Variants in CLVS1 observed in about 807,000 individuals in gnomAD.
CLVS1 encodes clavesin-1.
A neutral mutation model predicts 33.1 loss-of-function variants in CLVS1; 10 were observed. The ratio of observed to expected loss-of-function variants is 0.30; its 90% CI spans 0.19 to 0.51. The LOEUF is 0.51. Among genes scored for constraint, CLVS1 ranks in the 20% least tolerant of loss-of-function variants. CLVS1 has a pLI of 0.97. For missense variants in CLVS1, 343 were observed against 433.4 expected (o/e 0.79, Z 1.85); for synonymous variants, 163 against 166.1 (o/e 0.98, Z 0.14).
chr8:61,264,647 T>C (rs1437543727), intron 2 of CLVS1: 1 of 152,238 alleles, frequency 6.6e-6, no homozygotes, highest in Non-Finnish European at 1.5e-5. Context: ...AGAAGCTTTA[T>C]TTTAAAATTT....
chr8:61,161,502 A>G (rs1806749844), intron 2 of CLVS1, among the ~76,000 whole-genome samples: 1 of 152,220 alleles, frequency 6.6e-6, no homozygotes, highest in South Asian at 2.1e-4. Flanking sequence ...TTTTGAAAAC[A>G]TGGATGAACA....
At chr8:60,992,696 T>A in the CLVS1 span, among the ~76,000 whole-genome samples, 3 of 152,106 alleles carry the variant, frequency 2.0e-5, no homozygotes, top group African/African-American at 7.2e-5. Flanking sequence ...CTACAAGCAT[T>A]TTTTTTTCCT....
intron 2 of CLVS1, among the ~76,000 whole-genome samples, chr8:61,248,855 A>T (rs1808874718): frequency 6.6e-6 from 1 of 152,146 alleles, no homozygotes; most frequent in African/African-American, 2.4e-5. Context: ...CATGTAATAC[A>T]TTTATGCTAA....
intron 2 of CLVS1, among the ~76,000 whole-genome samples, chr8:61,327,771 T>C (rs1490392516): frequency 2.6e-5 from 4 of 152,196 alleles, no homozygotes; most frequent in African/African-American, 9.6e-5. Context: ...TACCCCAACC[T>C]ATCAACATTT....
intron 2 of CLVS1, among the ~76,000 whole-genome samples, chr8:61,314,575 C>G (rs975308150): frequency 1.3e-5 from 2 of 152,104 alleles, no homozygotes; most frequent in Non-Finnish European, 2.9e-5. Flanking sequence ...GAATGTATTC[C>G]GTACTCTCTT....
the CLVS1 span, among the ~76,000 whole-genome samples, chr8:61,044,903 G>A: frequency 3.3e-5 from 5 of 152,224 alleles, no homozygotes; most frequent in African/African-American, 1.2e-4. Flanking sequence ...AGACCTATGG[G>A]AGTGGTCCTA....
intron 2 of CLVS1, among the ~76,000 whole-genome samples, chr8:61,347,626 TTATATA>T (rs56179025): frequency 4.6e-4 from 17 of 37,024 alleles, no homozygotes; most frequent in Middle Eastern, 0.021. Flanking sequence ...GGCCATTCCA[TTATATA>T]TATATATATA....
chr8:61,123,402 G>C (rs898655229), intron 1 of CLVS1, among the ~76,000 whole-genome samples: 2 of 152,094 alleles, frequency 1.3e-5, no homozygotes, highest in African/African-American at 2.4e-5. Flanking sequence ...TCCTGATTTA[G>C]AGTAAAACAT....
intron 1 of CLVS1, among the ~76,000 whole-genome samples, chr8:61,120,445 C>T (rs1585624473): frequency 3.1e-5 from 4 of 131,138 alleles, no homozygotes; most frequent in South Asian, 6.2e-4. Flanking sequence ...GGAGGAGAGG[C>T]GCTCTGCATT....
chr8:61,167,174 T>C lies in CLVS1; in HGVS notation c.-152+35314T>C, dbSNP rs552255412. Among the ~76,000 whole-genome samples, 5 of 150,790 alleles carry C rather than the reference T, an allele frequency of 3.3e-5. No homozygotes were observed. The East Asian group carries it at 9.7e-4, about 29-fold the overall frequency. ...TTCTATCTCCTTTTTACCTTCAATC[T>C]TCCATCCAGCTTCCTTTAATTTTTT... is the stretch of plus-strand genomic sequence containing the variant. On this transcript the variant is annotated intron_variant, in intron 2 of 2. Coordinates refer to the CLVS1 transcript ENST00000522621.
intron 2 of CLVS1, among the ~76,000 whole-genome samples, chr8:61,328,126 C>T (rs368613227): frequency 6.6e-6 from 1 of 152,110 alleles, no homozygotes; most frequent in South Asian, 2.1e-4. Context: ...GGAATAGGCT[C>T]TGGGAGTTTC....
chr8:61,347,869 T>G (rs1812285467), intron 2 of CLVS1, among the ~76,000 whole-genome samples: 1 of 151,620 alleles, frequency 6.6e-6, no homozygotes, highest in Admixed American at 6.6e-5. Context: ...CCATAATGGC[T>G]GTACCAATTT....
chr8:61,119,221 C>G (rs1342382796), intron 1 of CLVS1, among the ~76,000 whole-genome samples: 5 of 152,070 alleles, frequency 3.3e-5, no homozygotes, highest in Non-Finnish European at 7.4e-5. Context: ...TTTCCATTTG[C>G]TTGGTAGATC....
upstream of CLVS1, among the ~76,000 whole-genome samples, chr8:61,286,921 TAAAC>T (rs1809794149): frequency 6.6e-6 from 1 of 152,220 alleles, no homozygotes; most frequent in Non-Finnish European, 1.5e-5. Context: ...TTTTTGGCCT[TAAAC>T]AGTTTTCAAA....
chr8:61,103,711 C>T (rs1805487437), intron 1 of CLVS1, among the ~76,000 whole-genome samples: 1 of 152,168 alleles, frequency 6.6e-6, no homozygotes, highest in Admixed American at 6.6e-5. Context: ...TAATAGGCTG[C>T]ATCTGAGGAG....
chr8:61,261,804 T>C (rs1435510250), intron 2 of CLVS1, among the ~76,000 whole-genome samples: 2 of 152,132 alleles, frequency 1.3e-5, no homozygotes, highest in Admixed American at 6.5e-5. Flanking sequence ...GAAATAAATC[T>C]GTATTGTTGA....
At chr8:61,301,067 G>C (rs558248670) in intron 2 of CLVS1, 26 of 152,268 alleles carry the variant, frequency 1.7e-4, no homozygotes, top group African/African-American at 6.0e-4. Context: ...TCTCTTCTGA[G>C]TCATTCTAGG....
intron 2 of CLVS1, among the ~76,000 whole-genome samples, chr8:61,246,450 G>A (rs1185057926): frequency 6.6e-6 from 1 of 151,728 alleles, no homozygotes; most frequent in Non-Finnish European, 1.5e-5. Flanking sequence ...GATTACAGGT[G>A]TGAGCCACTG....
intron 2 of CLVS1, among the ~76,000 whole-genome samples, chr8:61,204,090 G>A (rs1807792741): frequency 6.6e-6 from 1 of 152,150 alleles, no homozygotes; most frequent in Non-Finnish European, 1.5e-5. Flanking sequence ...AGTGGGGCTG[G>A]GATTTGAATT....
Sources: allele counts gnomAD v4.1 joint callset (sites outside exome capture counted in the v4.1 genomes callset), GRCh38; gene constraint gnomAD v4.1.1; transcripts MANE v1.5; gene names NCBI Gene and HGNC (gene_info 2026-07-23, HGNC 2026-07-21).